Variants in MAD1L1 observed in about 807,000 individuals in gnomAD.
The protein encoded by MAD1L1 is mitotic arrest deficient 1 like 1.
Under a neutral mutation model 96.9 loss-of-function variants are expected in MAD1L1, and 95 were observed. The ratio of observed to expected loss-of-function variants is 0.98; its 90% CI spans 0.83 to 1.16. The LOEUF (loss-of-function observed/expected upper bound fraction) is 1.16, where lower values mean the gene tolerates loss of function less well. MAD1L1 is among the 50% of genes most tolerant of loss of function. MAD1L1 has a pLI of 0.00. For missense variants in MAD1L1, 1,007 were observed against 954.4 expected (o/e 1.06, Z -0.73); for synonymous variants, 473 against 396.6 (o/e 1.19, Z -2.29).
intron 14 of MAD1L1, among the ~76,000 whole-genome samples, chr7:1,981,113 C>T (rs1780884681): frequency 6.6e-6 from 1 of 152,188 alleles, no homozygotes; most frequent in Non-Finnish European, 1.5e-5. Flanking sequence ...ACTACAGGCG[C>T]GTGCTGCCAC....
chr7:2,186,283 A>G (rs1472594035), intron 10 of MAD1L1, among the ~76,000 whole-genome samples: 1 of 152,240 alleles, frequency 6.6e-6, no homozygotes, highest in Non-Finnish European at 1.5e-5. Context: ...TGTTAATAGC[A>G]AAAAGAAAAA....
chr7:1,861,096 C>T (rs1026510262), intron 18 of MAD1L1, among the ~76,000 whole-genome samples: 15 of 152,212 alleles, frequency 9.9e-5, no homozygotes, highest in Admixed American at 5.9e-4. Context: ...CAGAGGCGGC[C>T]GCTCACCCTG....
At chr7:1,919,322 A>C (rs1346382851) in intron 17 of MAD1L1, among the ~76,000 whole-genome samples, 1 of 152,220 alleles carries the variant, frequency 6.6e-6, no homozygotes, top group Admixed American at 6.5e-5. Flanking sequence ...CCGGCCTCAG[A>C]TGGACACACG....
At chr7:2,003,096 G>A (rs985337429) in intron 13 of MAD1L1, among the ~76,000 whole-genome samples, 34 of 2,594 alleles carry the variant, frequency 0.013, no homozygotes, top group African/African-American at 0.039. Context: ...CAGCCCAGGA[G>A]TGAGGCAGGT....
At chr7:1,976,574 T>C (rs571707812) in intron 15 of MAD1L1, among the ~76,000 whole-genome samples, 209 of 152,046 alleles carry the variant, frequency 1.4e-3, no homozygotes, top group African/African-American at 5.0e-3. Context: ...CTGCGAAGAG[T>C]GAAAGAACAA....
chr7:1,931,758 G>A (rs368216231), intron 17 of MAD1L1, among the ~76,000 whole-genome samples: 25 of 152,088 alleles, frequency 1.6e-4, no homozygotes, highest in African/African-American at 6.0e-4. Flanking sequence ...GCTGCTCAGG[G>A]CCAGCTCAGA....
At chr7:2,219,244 C>T in intron 6 of MAD1L1, 88 bp downstream of exon 6, 2 of 1,248,990 alleles carry the variant, frequency 1.6e-6, no homozygotes, top group Non-Finnish European at 1.1e-6. Flanking sequence ...GGAGTGTATC[C>T]ACATCCCACC....
intron 18 of MAD1L1, among the ~76,000 whole-genome samples, chr7:1,887,661 ATGTG>A (rs140022817): frequency 0.32 from 44,991 of 140,664 alleles, 8,041 homozygotes; most frequent in East Asian, 0.48. Flanking sequence ...GTGCCTGTGC[ATGTG>A]TGTGTGAGCA....
At chr7:2,221,293 T>C (rs1637730) in intron 5 of MAD1L1, among the ~76,000 whole-genome samples, 103,838 of 151,938 alleles carry the variant, frequency 0.68, 36,375 homozygotes, top group African/African-American at 0.83. Context: ...CCAACTCCAG[T>C]ACAGCCCAGC....
At chr7:2,049,456 G>A (rs915994859) in intron 12 of MAD1L1, among the ~76,000 whole-genome samples, 2 of 152,198 alleles carry the variant, frequency 1.3e-5, no homozygotes, top group Admixed American at 6.5e-5. Flanking sequence ...CAAAAGGCTC[G>A]GGGGCAGCTC....
chr7:2,095,553 C>G (rs73034427), intron 11 of MAD1L1, among the ~76,000 whole-genome samples: 2 of 152,164 alleles, frequency 1.3e-5, no homozygotes, highest in African/African-American at 2.4e-5. Flanking sequence ...AGAAGGGCAG[C>G]GTAACCAGAG....
At chr7:2,139,130 GCCCA>G (rs1357665562) in intron 11 of MAD1L1, among the ~76,000 whole-genome samples, 2 of 152,064 alleles carry the variant, frequency 1.3e-5, no homozygotes, top group African/African-American at 4.8e-5. Flanking sequence ...TGTGTGGCCA[GCCCA>G]CCCAGACAGG....
intron 10 of MAD1L1, among the ~76,000 whole-genome samples, chr7:2,184,983 CAA>C (rs1028669798): frequency 4.6e-5 from 7 of 152,136 alleles, no homozygotes; most frequent in Non-Finnish European, 1.0e-4. Context: ...GCCTGGGAAA[CAA>C]GAGTGAAACT....
chr7:1,896,694 C>G (rs1194731708), intron 18 of MAD1L1, among the ~76,000 whole-genome samples: 1 of 152,216 alleles, frequency 6.6e-6, no homozygotes. Context: ...TCGACACTCT[C>G]AACAGAAAAC....
At chr7:2,011,388 G>A (rs1782294803) in intron 13 of MAD1L1, among the ~76,000 whole-genome samples, 2 of 152,308 alleles carry the variant, frequency 1.3e-5, no homozygotes, top group South Asian at 2.1e-4. Flanking sequence ...CCTTCACCTT[G>A]CAAACATGCT....
Position 1,882,963 on chromosome 7 carries a change from C to T in MAD1L1, c.1998+15237G>A, listed in dbSNP as rs182939439. Among the ~76,000 whole-genome samples, 1,274 of 132,564 alleles carry T rather than the reference C, an allele frequency of 9.6e-3. 11 individuals carry two copies. Among genetic ancestry groups the T allele is most frequent in the Admixed American group, 0.028 (345 of 12,220 alleles). 87.0% of individuals were successfully genotyped at this position (132,564 alleles called of 152,430 possible). A position where few individuals can be genotyped will look rare whatever the true frequency, so the allele number is the denominator to read the frequency against. ...ACACCAAACCTGGTGTCACAAACGA[C>T]TCCAGGAACCAGCTCCTTATCACCA... On this transcript the variant is annotated intron_variant, in intron 18 of 18. Transcript: ENST00000265854.
intron 15 of MAD1L1, among the ~76,000 whole-genome samples, chr7:1,970,755 G>T (rs1328113312): frequency 6.6e-6 from 1 of 152,194 alleles, no homozygotes; most frequent in Non-Finnish European, 1.5e-5. Flanking sequence ...TCTGGTGGGG[G>T]AATGGTGGTA....
intron 15 of MAD1L1, among the ~76,000 whole-genome samples, chr7:1,963,830 G>A (rs2128476397): frequency 6.6e-6 from 1 of 152,356 alleles, no homozygotes; most frequent in Admixed American, 6.5e-5. Context: ...TCTTGAGGCA[G>A]GGAGCGCCGG....
chr7:1,891,731 C>T (rs1786553318), intron 18 of MAD1L1, among the ~76,000 whole-genome samples: 1 of 152,068 alleles, frequency 6.6e-6, no homozygotes, highest in South Asian at 2.1e-4. Context: ...TAAGCAGGCG[C>T]CACCACGCCT....
Sources: allele counts gnomAD v4.1 joint callset (sites outside exome capture counted in the v4.1 genomes callset), GRCh38; gene constraint gnomAD v4.1.1; transcripts MANE v1.5; gene names NCBI Gene and HGNC (gene_info 2026-07-23, HGNC 2026-07-21).